Variants in TFPI observed in about 807,000 individuals in gnomAD.
TFPI encodes the protein anti-convertin.
A neutral mutation model predicts 34.6 loss-of-function variants in TFPI; 15 were observed. The ratio of observed to expected loss-of-function variants is 0.43; its 90% CI spans 0.29 to 0.67. The LOEUF is 0.67. Ranked by LOEUF, TFPI falls within the 30% of genes least tolerant of loss-of-function variation. The probability of loss-of-function intolerance (pLI) is 0.15; values close to 1 mark genes in which losing one functional copy is unlikely to be tolerated. For synonymous variants in TFPI, 105 were observed against 120.1 expected, an observed-to-expected ratio of 0.87 and a Z score of 0.82; for missense variants, 301 against 364.0, an observed-to-expected ratio of 0.83 and a Z score of 1.41.
chr2:187,506,425 C>T (rs1183632057), intron 1 of TFPI, among the ~76,000 whole-genome samples: 2 of 152,086 alleles, frequency 1.3e-5, no homozygotes, highest in Non-Finnish European at 2.9e-5. Flanking sequence ...TAACATGTTA[C>T]GTTAGTATGG....
chr2:187,544,535 T>A (rs994127315), intron 1 of TFPI: 1 of 151,922 alleles, frequency 6.6e-6, no homozygotes, highest in African/African-American at 2.4e-5. Context: ...GTTGACTAAA[T>A]GTTTACTAAA....
intron 7 of TFPI, among the ~76,000 whole-genome samples, 163 bp downstream of exon 7, chr2:187,467,590 A>C (rs1043203990): frequency 4.6e-5 from 7 of 152,162 alleles, no homozygotes; most frequent in African/African-American, 1.7e-4. Flanking sequence ...TTACAGTTAC[A>C]TATCTAGCAA....
At chr2:187,478,221 G>A (rs779067673) in intron 6 of TFPI, among the ~76,000 whole-genome samples, 68 of 152,010 alleles carry the variant, frequency 4.5e-4, no homozygotes, top group Non-Finnish European at 7.9e-4. Context: ...TTAGCGGGGC[G>A]TGGTGGCACA....
intron 2 of TFPI, among the ~76,000 whole-genome samples, chr2:187,500,334 T>C (rs918769669): frequency 5.9e-5 from 9 of 152,074 alleles, no homozygotes; most frequent in African/African-American, 2.2e-4. Context: ...TTTCAGAAAT[T>C]AAGTAAATAA....
At chr2:187,492,067 G>T (rs1257022319) in intron 3 of TFPI, among the ~76,000 whole-genome samples, 2 of 151,914 alleles carry the variant, frequency 1.3e-5, no homozygotes, top group East Asian at 3.9e-4. Context: ...TTGTTGAATT[G>T]TTTGAGTTAC....
rs1685525660 is a variant in TFPI, at chr2:187,496,990, A to C, written c.210T>G (p.Phe70Leu). ...ACTGTCGAGTGAAAATATTGAAGAAAAATCTTTTCATGATTGCTTTACATG... is the reference window on the plus strand; with the variant it reads ...ACTGTCGAGTGAAAATATTGAAGAACAATCTTTTCATGATTGCTTTACATG... ...DGPCKAIMKR[F>L]FFNIFTRQCE... Residue 70 changes from phenylalanine to leucine, a missense_variant, in exon 3 of 8, where the codon TTT becomes TTG. By Grantham distance (22) the Phe-to-Leu change is conservative. Coordinates refer to ENST00000233156, the MANE Select transcript of TFPI (RefSeq NM_006287.6). The C allele has an allele frequency of 3.1e-6, 5 of 1,613,342 alleles. No homozygotes were observed. The African/African-American group carries it at 5.3e-5, about 17-fold the overall frequency.
intron 1 of TFPI, among the ~76,000 whole-genome samples, chr2:187,536,784 G>A (rs576610510): frequency 6.6e-6 from 1 of 152,240 alleles, no homozygotes; most frequent in South Asian, 2.1e-4. Flanking sequence ...AGGAAAAGAG[G>A]AAGTCAAATT....
At chr2:187,468,233 A>G (rs888094373) in intron 6 of TFPI, among the ~76,000 whole-genome samples, 1 of 150,890 alleles carries the variant, frequency 6.6e-6, no homozygotes, top group African/African-American at 2.4e-5. Context: ...CTCTTCAACA[A>G]TGTAACTGCT....
At chr2:187,539,608 A>G (rs545790252) in intron 1 of TFPI, among the ~76,000 whole-genome samples, 4 of 152,216 alleles carry the variant, frequency 2.6e-5, no homozygotes, top group Non-Finnish European at 5.9e-5. Context: ...TGGAAACTCC[A>G]ACATTTGTGA....
chr2:187,485,460 G>T (rs1336908723), intron 4 of TFPI, among the ~76,000 whole-genome samples: 2 of 151,714 alleles, frequency 1.3e-5, no homozygotes, highest in African/African-American at 4.8e-5. Context: ...AAGAATATTT[G>T]AGGGGTAGGA....
intron 1 of TFPI, chr2:187,529,262 A>G (rs757060638): frequency 3.3e-5 from 5 of 152,220 alleles, no homozygotes; most frequent in Non-Finnish European, 5.9e-5. Context: ...AATACAATTG[A>G]TTCTGTGAGT....
At chr2:187,501,284 T>C (rs1325058111) in intron 2 of TFPI, among the ~76,000 whole-genome samples, 3 of 151,382 alleles carry the variant, frequency 2.0e-5, no homozygotes, top group Non-Finnish European at 4.4e-5. Context: ...GTTACAATCC[T>C]GCCTTCCCCT....
chr2:187,530,185 A>C (rs1687890183), intron 1 of TFPI, among the ~76,000 whole-genome samples: 1 of 152,174 alleles, frequency 6.6e-6, no homozygotes, highest in Non-Finnish European at 1.5e-5. Flanking sequence ...CATGTAAGAG[A>C]GCAGAAGGCA....
Position 187,466,765 on chromosome 2 carries a change from C to G in TFPI, c.*171G>C, listed in dbSNP as rs184334944. 55 of 378,036 alleles carry G rather than the reference C, an allele frequency of 1.5e-4. No individual in the cohort carries two copies. Among genetic ancestry groups the G allele is most frequent in the Non-Finnish European group, 1.5e-5 (3 of 204,436 alleles). 23.4% of individuals were successfully genotyped at this position (378,036 alleles called of 1,614,324 possible). On this transcript the variant is annotated 3_prime_UTR_variant, in exon 8 of 8. Transcript: ENST00000233156. ...TACAGACCTAGAATAAGCAATTTAA[C>G]AAGATTAGAAAAGCAACTCTGATAC... is the stretch of plus-strand genomic sequence containing the variant.
At chr2:187,517,109 A>G (rs1687062066) in intron 1 of TFPI, 1 of 152,144 alleles carries the variant, frequency 6.6e-6, no homozygotes, top group Non-Finnish European at 1.5e-5. Context: ...TTACTAAGTA[A>G]TCTTTTATTG....
chr2:187,482,494 T>C (rs1177316448), intron 6 of TFPI, among the ~76,000 whole-genome samples: 1 of 152,016 alleles, frequency 6.6e-6, no homozygotes. Flanking sequence ...AAAATTAGAC[T>C]CAAGTTCATC....
In TFPI at chr2:187,488,389, A is replaced by AAT. The variant is rs1297614724; in HGVS notation, c.320-16_320-15dup. On this transcript the variant is annotated splice_polypyrimidine_tract_variant and intron_variant, in intron 3 of 7. Coordinates refer to ENST00000233156, the MANE Select transcript of TFPI (RefSeq NM_006287.6). ...TGTTTGCATTATCTGTAATCAAAAG[A>AAT]ATATATGCATATCAATTGTCACAAT... 3.4e-6 allele frequency: 5 copies of AAT among 1,485,298 alleles called. No individual in the cohort carries two copies. Among genetic ancestry groups the AAT allele is most frequent in the Admixed American group, 4.5e-5 (2 of 44,374 alleles). The allele number at this position is 1,485,298 out of a possible 1,614,324, so 92.0% of individuals were successfully genotyped here.
intron 1 of TFPI, among the ~76,000 whole-genome samples, chr2:187,540,051 C>T (rs1047356896): frequency 3.9e-5 from 6 of 152,054 alleles, no homozygotes; most frequent in Non-Finnish European, 7.4e-5. Flanking sequence ...CCCACCACCA[C>T]GCCTGGCTAA....
intron 1 of TFPI, among the ~76,000 whole-genome samples, chr2:187,538,155 A>G (rs1414727396): frequency 1.3e-5 from 2 of 152,202 alleles, no homozygotes; most frequent in African/African-American, 4.8e-5. Context: ...AATTAATTCA[A>G]CCACTGTGGA....
Sources: allele counts gnomAD v4.1 joint callset (sites outside exome capture counted in the v4.1 genomes callset), GRCh38; gene constraint gnomAD v4.1.1; transcripts MANE v1.5; gene names NCBI Gene and HGNC (gene_info 2026-07-23, HGNC 2026-07-21).